The following FTCD variants were observed in gnomAD, a reference collection of about 807,000 sequenced individuals.
FTCD encodes formimidoyltransferase-cyclodeaminase.
A neutral mutation model predicts 62.9 loss-of-function variants in FTCD; 76 were observed. That is an observed-to-expected ratio of 1.21 (90% CI 1.00 to 1.46). The LOEUF is 1.46. Ranked by LOEUF, FTCD falls within the 40% of genes most tolerant of loss-of-function variation. The probability of loss-of-function intolerance (pLI) is 0.00; values close to 1 mark genes in which losing one functional copy is unlikely to be tolerated. For missense variants in FTCD, 845 were observed against 751.3 expected (o/e 1.12, Z -1.46); for synonymous variants, 397 against 336.9 (o/e 1.18, Z -1.95).
Position 46,137,240 on chromosome 21 carries a change from T to TG in FTCD, c.1537dup (p.Gln513ProfsTer88), listed in dbSNP as rs779856936. ...GCACCACACCTGCCTCCTGCTCACC[T>TG]GGTCCTTAAATGCCTCGTCTGTGAT... On this transcript the variant is annotated frameshift_variant and splice_region_variant, in exon 13 of 14. Transcript: ENST00000397746. LOFTEE classifies it high-confidence loss of function. The TG allele has an allele frequency of 1.2e-6, 2 of 1,610,332 alleles. No individual in the cohort carries two copies. Among genetic ancestry groups the TG allele is most frequent in the East Asian group, 4.5e-5 (2 of 44,846 alleles).
intron 10 of FTCD, 34 bp downstream of exon 10, chr21:46,145,383 G>C: frequency 6.6e-7 from 1 of 1,510,384 alleles, no homozygotes; most frequent in South Asian, 1.2e-5. Flanking sequence ...GCTGTTGGTG[G>C]GGCCCGGGGA....
chr21:46,153,438 C>T (rs1046779840), intron 2 of FTCD, among the ~76,000 whole-genome samples: 3 of 152,154 alleles, frequency 2.0e-5, no homozygotes, highest in African/African-American at 7.2e-5. Flanking sequence ...GCGCTCGAGG[C>T]TGGGTTCCGG....
At chr21:46,136,326 G>A, downstream of FTCD, 1 of 948,742 alleles carries the variant, frequency 1.1e-6, no homozygotes, top group Admixed American at 2.1e-5. Context: ...TGGGCAGGGA[G>A]CTGAGGCAGG....
Position 46,145,933 on chromosome 21 carries a change from T to C in FTCD, c.983A>G (p.Glu328Gly), listed in dbSNP as rs1297012361. ...GCCCAGGCCTCGCTCAGGCCCGCGC[T>C]CAGGGACCAGGTACCTGCAGGGTGG... ...KERIIEYLVP[E>G]RGPERGLGSK... Residue 328 changes from glutamate to glycine, a missense_variant, in exon 9 of 14, where the codon GAG (glutamate) becomes GGG (glycine). By Grantham distance (98) the Glu-to-Gly change is moderately conservative. Transcript: ENST00000397746. The C allele has an allele frequency of 2.0e-6, 3 of 1,501,302 alleles. No homozygotes were observed. Among genetic ancestry groups the C allele is most frequent in the African/African-American group, 1.5e-5 (1 of 68,256 alleles). The allele number at this position is 1,501,302 out of a possible 1,614,324, so 93.0% of individuals were successfully genotyped here. A position where few individuals can be genotyped will look rare whatever the true frequency, so the allele number is the denominator to read the frequency against.
At chr21:46,136,345 G>A (rs543669366), downstream of FTCD, 37 of 1,228,360 alleles carry the variant, frequency 3.0e-5, no homozygotes, top group East Asian at 5.3e-4. Flanking sequence ...GGGAGGAAAA[G>A]TCTCCCAGGA....
At chr21:46,153,748 G>A (rs2079360718) in intron 2 of FTCD, among the ~76,000 whole-genome samples, 1 of 152,224 alleles carries the variant, frequency 6.6e-6, no homozygotes, top group Non-Finnish European at 1.5e-5. Context: ...GCCCACCGAG[G>A]TGTTTGGCTT....
chr21:46,151,130 C>T (rs1033306179), intron 5 of FTCD, among the ~76,000 whole-genome samples: 4 of 152,136 alleles, frequency 2.6e-5, no homozygotes, highest in Non-Finnish European at 4.4e-5. Context: ...ACGCTCAGAC[C>T]GGGTGACCAC....
intron 5 of FTCD, among the ~76,000 whole-genome samples, 182 bp from the exon 6 acceptor site, chr21:46,150,707 C>G (rs528366220): frequency 6.6e-6 from 1 of 152,252 alleles, no homozygotes; most frequent in Non-Finnish European, 1.5e-5. Flanking sequence ...CTTCGCTTGC[C>G]ACAGGGAAAC....
chr21:46,151,466 A>AT, intron 5 of FTCD, 92 bp downstream of exon 5: 1 of 1,023,778 alleles, frequency 9.8e-7, no homozygotes, highest in Admixed American at 2.4e-5. Flanking sequence ...CCGGTGCCCC[A>AT]TCCCCACCGA....
chr21:46,139,513 C>A (rs2078948232), intron 10 of FTCD, among the ~76,000 whole-genome samples: 1 of 152,228 alleles, frequency 6.6e-6, no homozygotes, highest in East Asian at 1.9e-4. Flanking sequence ...GGGAGCCCTA[C>A]TCACACGGAC....
chr21:46,145,812 G>T lies in FTCD; in HGVS notation c.1098+6C>A, dbSNP rs1413426901. 16 of 250,566 alleles carry T rather than the reference G, an allele frequency of 6.4e-5. No homozygotes were observed. Among genetic ancestry groups the T allele is most frequent in the Non-Finnish European group, 7.4e-5 (16 of 214,850 alleles). The allele number at this position is 250,566 out of a possible 1,614,324, so 15.5% of individuals were successfully genotyped here. A position where few individuals can be genotyped will look rare whatever the true frequency, so the allele number is the denominator to read the frequency against. The stretch of plus-strand genomic sequence containing the variant: ...GCGCCTCCCCTGCCCCTCCCCCCGC[G>T]CTCACCATGGCCGCAGCGGCCGCCG... On this transcript the variant is annotated splice_donor_region_variant and intron_variant, in intron 9 of 13. Transcript: ENST00000397746.
chr21:46,150,939 AC>A (rs879519352), intron 5 of FTCD, among the ~76,000 whole-genome samples: 3 of 152,094 alleles, frequency 2.0e-5, no homozygotes, highest in Non-Finnish European at 2.9e-5. Context: ...GGGGACTCTG[AC>A]CTCTGCCCTT....
At chr21:46,142,531 C>G (rs79832779) in intron 10 of FTCD, 1 of 150,082 alleles carries the variant, frequency 6.7e-6, no homozygotes, top group African/African-American at 2.4e-5. Context: ...CAGCTGTTAG[C>G]TCCTCCCGGT....
At chr21:46,153,166 A>C in intron 2 of FTCD, 131 bp from the exon 3 acceptor site, 1 of 991,816 alleles carries the variant, frequency 1.0e-6, no homozygotes, top group South Asian at 1.7e-5. Flanking sequence ...AGCTGCTCAC[A>C]CTGACCCACA....
intron 7 of FTCD, among the ~76,000 whole-genome samples, chr21:46,148,169 A>T (rs1039540150): frequency 6.6e-6 from 1 of 152,168 alleles, no homozygotes; most frequent in African/African-American, 2.4e-5. Flanking sequence ...ACAACGTATT[A>T]ATTGCAAAAG....
intron 2 of FTCD, among the ~76,000 whole-genome samples, chr21:46,153,603 A>G (rs1261981486): frequency 6.6e-6 from 1 of 152,166 alleles, no homozygotes; most frequent in Non-Finnish European, 1.5e-5. Context: ...GCCACCGCCC[A>G]GGGCTGGCCA....
chr21:46,147,524 C>A (rs2079174292), intron 7 of FTCD, among the ~76,000 whole-genome samples: 1 of 152,208 alleles, frequency 6.6e-6, no homozygotes, highest in Non-Finnish European at 1.5e-5. Flanking sequence ...ACAGAGCATG[C>A]ACTGGCAATC....
intron 10 of FTCD, among the ~76,000 whole-genome samples, chr21:46,141,306 T>TA (rs987367701): frequency 1.0e-4 from 15 of 150,688 alleles, no homozygotes; most frequent in African/African-American, 3.5e-4. Flanking sequence ...TGGCTTTATT[T>TA]TTTTTTTTTC....
At chr21:46,139,112 G>A in intron 10 of FTCD, 189 bp from the exon 11 acceptor site, 1 of 633,892 alleles carries the variant, frequency 1.6e-6, no homozygotes, top group Non-Finnish European at 2.9e-6. Context: ...CAGGGTAGGG[G>A]GGGTCGGGGC....
Sources: gnomAD v4.1 joint callset for allele counts (sites outside exome capture counted in the v4.1 genomes callset) on GRCh38, gnomAD v4.1.1 for gene constraint, MANE v1.5 for transcripts, NCBI Gene and HGNC (gene_info 2026-07-23, HGNC 2026-07-21) for gene names.